The following GRIK1 variants were observed in gnomAD, a reference collection of about 807,000 sequenced individuals.
GRIK1 encodes the protein glutamate receptor ionotropic, kainate 1.
A neutral mutation model predicts 105.7 loss-of-function variants in GRIK1; 69 were observed. The ratio of observed to expected loss-of-function variants is 0.65; its 90% confidence interval spans 0.54 to 0.80. The LOEUF is 0.80. Among genes scored for constraint, GRIK1 ranks in the 30% least tolerant of loss-of-function variants. The pLI, the probability that GRIK1 is intolerant of heterozygous loss-of-function variation, is 0.00. For missense variants in GRIK1, 1,109 were observed against 1,167.3 expected, an observed-to-expected ratio of 0.95 and a Z score of 0.73; for synonymous variants, 438 against 431.3, an observed-to-expected ratio of 1.02 and a Z score of -0.19.
At chr21:29,747,244 G>A (rs552259918) in intron 1 of GRIK1, among the ~76,000 whole-genome samples, 4 of 152,334 alleles carry the variant, frequency 2.6e-5, no homozygotes, top group Admixed American at 6.5e-5. Flanking sequence ...TGTCTGCACA[G>A]CCATGGGAAG....
intron 1 of GRIK1, among the ~76,000 whole-genome samples, chr21:29,714,701 C>T (rs1210220744): frequency 2.6e-5 from 4 of 152,190 alleles, no homozygotes; most frequent in Non-Finnish European, 5.9e-5. Context: ...ATTGCAAGGG[C>T]TGGGGAAAGG....
intron 1 of GRIK1, among the ~76,000 whole-genome samples, chr21:29,824,497 G>A (rs770977803): frequency 6.6e-6 from 1 of 151,992 alleles, no homozygotes. Flanking sequence ...CATTGTATGG[G>A]AAGTGGGCAA....
chr21:29,841,589 T>C (rs1456373700), intron 1 of GRIK1, among the ~76,000 whole-genome samples: 2 of 152,110 alleles, frequency 1.3e-5, no homozygotes, highest in Non-Finnish European at 2.9e-5. Context: ...CCACATATAG[T>C]CAACATCACA....
intron 12 of GRIK1, among the ~76,000 whole-genome samples, chr21:29,583,702 C>G (rs993326550): frequency 5.9e-5 from 9 of 152,152 alleles, no homozygotes; most frequent in Non-Finnish European, 1.0e-4. Flanking sequence ...AGGTCTTTCT[C>G]TCTGGGATTC....
rs2090765878 is a variant in GRIK1 at position 29,572,201 on chromosome 21, C to T, written c.2130+4763G>A. Among the ~76,000 whole-genome samples, 5 of 152,120 alleles carry T rather than the reference C, an allele frequency of 3.3e-5. No individual in the cohort carries two copies. The South Asian group carries it at 6.2e-4, about 19-fold the overall frequency. ...TTCTTTCCCTTGTGGAATAATCCAG[C>T]TTAAGAACCTGAGTGTACATCCCTC... On this transcript the variant is annotated intron_variant, in intron 14 of 17. Coordinates refer to ENST00000327783, the MANE Select transcript of GRIK1 (RefSeq NM_001330994.2).
At chr21:29,656,354 C>CAA (rs3054331) in intron 4 of GRIK1, among the ~76,000 whole-genome samples, 1,102 of 50,972 alleles carry the variant, frequency 0.022, 258 homozygotes, top group Middle Eastern at 0.04. Context: ...GAGCGAGACT[C>CAA]AAAAAAAAAA....
intron 1 of GRIK1, among the ~76,000 whole-genome samples, chr21:29,928,236 A>T (rs1222950839): frequency 1.3e-5 from 2 of 152,232 alleles, no homozygotes; most frequent in African/African-American, 4.8e-5. Flanking sequence ...CTGAAATTTA[A>T]AAAGTTTATT....
intron 5 of GRIK1, 44 bp downstream of exon 5, chr21:29,654,766 A>T (rs765627954): frequency 1.9e-6 from 2 of 1,073,260 alleles, no homozygotes; most frequent in Non-Finnish European, 1.5e-6. Flanking sequence ...CTGTGTGAAG[A>T]CGTTTCCTAC....
intron 1 of GRIK1, among the ~76,000 whole-genome samples, chr21:29,695,625 C>T (rs1398565973): frequency 6.6e-6 from 1 of 152,096 alleles, no homozygotes; most frequent in African/African-American, 2.4e-5. Flanking sequence ...CAGGCATGCA[C>T]CACCATGACT....
intron 6 of GRIK1, among the ~76,000 whole-genome samples, chr21:29,646,850 CTTTTT>C (rs544696996): frequency 3.5e-5 from 5 of 144,154 alleles, no homozygotes; most frequent in Non-Finnish European, 7.7e-5. Flanking sequence ...TCTTTCTTTC[CTTTTT>C]TTTTTTTTAG....
chr21:29,593,669 G>T (rs2061363565), intron 9 of GRIK1, among the ~76,000 whole-genome samples: 1 of 152,130 alleles, frequency 6.6e-6, no homozygotes, highest in African/African-American at 2.4e-5. Context: ...AGTATTGAAG[G>T]GTGGAGAAAA....
chr21:29,863,267 A>G (rs973555244), intron 1 of GRIK1, among the ~76,000 whole-genome samples: 1 of 152,202 alleles, frequency 6.6e-6, no homozygotes, highest in African/African-American at 2.4e-5. Flanking sequence ...ATTCTGATTC[A>G]GTAAGTCAGG....
At chr21:29,673,291 C>T in intron 3 of GRIK1, 127 bp from the exon 4 acceptor site, 1 of 558,450 alleles carries the variant, frequency 1.8e-6, no homozygotes, top group Non-Finnish European at 3.1e-6. Context: ...AGGTTACACT[C>T]CTGACTTCCC....
chr21:29,630,321 T>C (rs777515616), intron 7 of GRIK1, among the ~76,000 whole-genome samples: 1 of 152,146 alleles, frequency 6.6e-6, no homozygotes, highest in Admixed American at 6.6e-5. Context: ...TTCCCTCCCC[T>C]TGAGTGTGAG....
At chr21:29,793,249 T>C (rs979456191) in intron 1 of GRIK1, among the ~76,000 whole-genome samples, 3 of 152,188 alleles carry the variant, frequency 2.0e-5, no homozygotes, top group Non-Finnish European at 4.4e-5. Flanking sequence ...CTATTGCTTG[T>C]GGATATTCTT....
intron 7 of GRIK1, among the ~76,000 whole-genome samples, chr21:29,630,013 G>A (rs1448536226): frequency 1.3e-5 from 2 of 152,148 alleles, no homozygotes; most frequent in Non-Finnish European, 2.9e-5. Flanking sequence ...CCTTGCCTGG[G>A]CATCGGGAAA....
At chr21:29,797,184 T>G (rs139545185) in intron 1 of GRIK1, among the ~76,000 whole-genome samples, 1 of 152,134 alleles carries the variant, frequency 6.6e-6, no homozygotes, top group Non-Finnish European at 1.5e-5. Context: ...TTGTACTATG[T>G]GGGGAAAGGC....
intron 1 of GRIK1, among the ~76,000 whole-genome samples, chr21:29,840,836 C>T (rs930053211): frequency 6.6e-6 from 1 of 152,050 alleles, no homozygotes; most frequent in African/African-American, 2.4e-5. Context: ...AGCAACCAAA[C>T]CCACCTACCT....
intron 1 of GRIK1, among the ~76,000 whole-genome samples, chr21:29,867,876 AAG>A (rs1358202826): frequency 7.7e-4 from 13 of 16,898 alleles, no homozygotes; most frequent in South Asian, 1.8e-3. Context: ...GAAAGAGAGA[AAG>A]AGAGAGAAAG....
Sources: gnomAD v4.1 joint callset for allele counts (sites outside exome capture counted in the v4.1 genomes callset) on GRCh38, gnomAD v4.1.1 for gene constraint, MANE v1.5 for transcripts, NCBI Gene and HGNC (gene_info 2026-07-23, HGNC 2026-07-21) for gene names.